NELL2: variants seen among roughly 807,000 people sequenced by gnomAD.
NELL2 encodes the protein protein kinase C-binding protein NELL2.
A neutral mutation model predicts 109.6 loss-of-function variants in NELL2; 41 were observed. The ratio of observed to expected loss-of-function variants is 0.37; its 90% CI spans 0.29 to 0.49. The LOEUF is 0.49. NELL2 is among the 20% of genes least tolerant of loss of function. NELL2 has a pLI of 0.98. For missense variants in NELL2, 900 were observed against 1,008.3 expected (o/e 0.89, Z 1.45); for synonymous variants, 355 against 344.7 (o/e 1.03, Z -0.33).
intron 1 of NELL2, among the ~76,000 whole-genome samples, chr12:44,888,129 G>A (rs568293665): frequency 6.6e-6 from 1 of 152,060 alleles, no homozygotes; most frequent in East Asian, 1.9e-4. Context: ...CACCTTTGTT[G>A]AAGATGAATT....
Position 44,714,727 on chromosome 12 carries a change from G to T in NELL2, c.1009C>A (p.Gln337Lys). The change falls in exon 10 of 20, where the codon CAA (glutamine) becomes AAA (lysine). Residue 337 changes from glutamine to lysine, a missense_variant. Coordinates refer to ENST00000429094, the MANE Select transcript of NELL2 (RefSeq NM_001145108.2). ...CKECKSICQF[Q>K]GRTYFEGERN... ...TCTCCTTCAAAGTAGGTTCGTCCTT[G>T]AAATTGGCATATCGCTTTGGAGTAA... 1 of 1,598,066 alleles carries T rather than the reference G, an allele frequency of 6.3e-7. No individual in the cohort carries two copies. The highest frequency in any genetic ancestry group is 2.3e-5 in the East Asian group (1 of 44,284).
intron 14 of NELL2, among the ~76,000 whole-genome samples, chr12:44,610,250 A>G (rs979724234): frequency 4.6e-5 from 7 of 151,806 alleles, no homozygotes; most frequent in Admixed American, 2.6e-4. Context: ...GCAAAAAAAA[A>G]AAAACAAAAA....
chr12:44,688,711 C>T (rs2136390699), intron 12 of NELL2, among the ~76,000 whole-genome samples: 1 of 152,214 alleles, frequency 6.6e-6, no homozygotes. Context: ...CCTTTACATT[C>T]ATCTGCGTGT....
rs756310405 is a variant in NELL2 at position 44,779,905 on chromosome 12, G to A, written c.453C>T (p.His151=). The stretch of plus-strand genomic sequence containing the variant: ...AAGCACTGATGGCTAAGGAGAGCTT[G>A]TGCCACTTGTCATCAGCCAAAATGT... ...FPYILADDKW[H]KLSLAISASH... The change falls in exon 4 of 20, where the codon CAC becomes CAT. Residue 151 remains histidine, a synonymous_variant. Coordinates refer to ENST00000429094, the MANE Select transcript of NELL2 (RefSeq NM_001145108.2). 14 of 1,613,820 alleles carry A rather than the reference G, an allele frequency of 8.7e-6. No homozygotes were observed. In the South Asian group the frequency reaches 1.4e-4, roughly 16 times the overall value.
chr12:44,732,682 A>G (rs1278314826), intron 9 of NELL2, among the ~76,000 whole-genome samples: 3 of 152,058 alleles, frequency 2.0e-5, no homozygotes, highest in Non-Finnish European at 4.4e-5. Flanking sequence ...CTCAGGCAAC[A>G]AAAGCAAAAA....
rs567109435 is a variant in NELL2, at chr12:44,817,692, C to A, written c.185-1556G>T. Among the ~76,000 whole-genome samples, 95 of 152,338 alleles carry A rather than the reference C, an allele frequency of 6.2e-4. 1 individual carries two copies. Among genetic ancestry groups the A allele is most frequent in the African/African-American group, 2.0e-3 (85 of 41,566 alleles). On this transcript the variant is annotated intron_variant, in intron 2 of 19. Coordinates refer to ENST00000429094, the MANE Select transcript of NELL2 (RefSeq NM_001145108.2). ...GACATTGCTGGATGGGGCTGGGGAA[C>A]TGGATGAGGCAGGACCCTGCAGGCC...
intron 13 of NELL2, among the ~76,000 whole-genome samples, chr12:44,614,538 C>A (rs986536684): frequency 7.2e-5 from 11 of 151,830 alleles, no homozygotes; most frequent in African/African-American, 2.7e-4. Context: ...TAGTAAAGTT[C>A]GTCCATGGGA....
chr12:44,543,361 T>C (rs1942659906), intron 15 of NELL2, among the ~76,000 whole-genome samples: 1 of 152,188 alleles, frequency 6.6e-6, no homozygotes, highest in Non-Finnish European at 1.5e-5. Context: ...ACTAGCTTGA[T>C]ACTTACCACT....
chr12:44,799,084 G>C (rs932317803), intron 3 of NELL2, among the ~76,000 whole-genome samples: 2 of 148,522 alleles, frequency 1.3e-5, no homozygotes, highest in Non-Finnish European at 3.0e-5. Flanking sequence ...TCAGCCTCCC[G>C]AGTAGCTAGG....
chr12:44,686,670 G>T (rs7958083), intron 12 of NELL2, among the ~76,000 whole-genome samples: 4,672 of 146,674 alleles, frequency 0.032, 372 homozygotes, highest in African/African-American at 0.12. Flanking sequence ...TGGAGTACCC[G>T]GCCGTGTGAG....
At chr12:44,839,717 G>A (rs191191949) in intron 2 of NELL2, among the ~76,000 whole-genome samples, 1 of 152,234 alleles carries the variant, frequency 6.6e-6, no homozygotes, top group Admixed American at 6.5e-5. Flanking sequence ...TGCCGTCAAG[G>A]CGATGATCAT....
At chr12:44,919,164 A>C (rs1051944130) in intron 1 of NELL2, among the ~76,000 whole-genome samples, 3 of 152,138 alleles carry the variant, frequency 2.0e-5, no homozygotes, top group Admixed American at 6.6e-5. Flanking sequence ...TAAATGATAC[A>C]ACTGCCTATC....
intron 9 of NELL2, among the ~76,000 whole-genome samples, chr12:44,740,550 G>A (rs898576376): frequency 1.8e-4 from 28 of 151,996 alleles, no homozygotes; most frequent in South Asian, 2.1e-4. Flanking sequence ...AAAACTGTAC[G>A]GCATGCTTTT....
chr12:44,868,614 T>G (rs944425608), intron 2 of NELL2, among the ~76,000 whole-genome samples: 3 of 152,196 alleles, frequency 2.0e-5, no homozygotes, highest in African/African-American at 4.8e-5. Context: ...GAAGACATTA[T>G]GTAAAGTGAA....
chr12:44,593,948 A>C (rs1944856542), intron 15 of NELL2, among the ~76,000 whole-genome samples: 1 of 152,204 alleles, frequency 6.6e-6, no homozygotes. Flanking sequence ...AATACTGTGA[A>C]TCCATTAAAA....
chr12:44,628,359 T>C (rs1946338812), intron 13 of NELL2, among the ~76,000 whole-genome samples: 1 of 152,160 alleles, frequency 6.6e-6, no homozygotes, highest in African/African-American at 2.4e-5. Flanking sequence ...CCCACCCACA[T>C]GGTCGAGGGT....
Position 44,816,131 on chromosome 12 carries a change from G to C in NELL2, c.190C>G (p.Pro64Ala). The part of the protein sequence containing the change: ...GTKAFLFQDT[P>A]RSIKASTATA... ...GCAGTGGATGCTTTTATGCTTCTGG[G>C]AGTATCTAAAAAAGAAACAAACATA... is the stretch of plus-strand genomic sequence containing the variant. The change falls in exon 3 of 20, where the codon CCC becomes GCC. Residue 64 changes from proline to alanine, a missense_variant. Around this residue, in one of 4 missense-constraint regions of NELL2, gnomAD observed 200 missense variants for 191.8 expected, o/e 1.04. Transcript: ENST00000429094. 6.3e-7 allele frequency: 1 copy of C among 1,589,048 alleles called. No homozygotes were observed. The highest frequency in any genetic ancestry group is 8.5e-7 in the Non-Finnish European group (1 of 1,171,836).
At chr12:44,519,963 C>T in intron 19 of NELL2, 42 bp downstream of exon 19, 1 of 1,538,098 alleles carries the variant, frequency 6.5e-7, no homozygotes. Context: ...GCCCTGGGTG[C>T]AGCTGGCAAA....
chr12:44,901,048 C>G (rs778416801), intron 1 of NELL2, among the ~76,000 whole-genome samples: 5 of 151,960 alleles, frequency 3.3e-5, no homozygotes, highest in Admixed American at 1.3e-4. Context: ...TAACTAAGAT[C>G]AGAGCAGAAC....
Sources: gnomAD v4.1 joint callset for allele counts (sites outside exome capture counted in the v4.1 genomes callset) on GRCh38, gnomAD v4.1.1 for gene constraint, gnomAD v4.1.1 regional missense constraint, MANE v1.5 for transcripts, NCBI Gene and HGNC (gene_info 2026-07-23, HGNC 2026-07-21) for gene names.